The following TNIK variants were observed in gnomAD, a reference collection of about 807,000 sequenced individuals.
The protein encoded by TNIK is TRAF2 and NCK interacting kinase.
A neutral mutation model predicts 191.3 loss-of-function variants in TNIK; 49 were observed. The ratio of observed to expected loss-of-function variants is 0.26; its 90% confidence interval spans 0.20 to 0.32. TNIK has a LOEUF of 0.32. Ranked by LOEUF, TNIK falls within the 10% of genes least tolerant of loss-of-function variation. The pLI is 1.00. For missense variants in TNIK, 1,155 were observed against 1,702.3 expected, an observed-to-expected ratio of 0.68 and a Z score of 5.66; for synonymous variants, 594 against 600.9, an observed-to-expected ratio of 0.99 and a Z score of 0.17.
rs530600257 is a variant in TNIK at position 171,366,387 on chromosome 3, T to C, written c.123+3233A>G. ...ATTGGGAGTAAGACTAGAAGCAACTTTGAAAAACTAAACATTATTAAATGG... is the reference window on the plus strand; with the variant it reads ...ATTGGGAGTAAGACTAGAAGCAACTCTGAAAAACTAAACATTATTAAATGG... On this transcript the variant is annotated intron_variant, in intron 2 of 32. Coordinates refer to ENST00000436636, the MANE Select transcript of TNIK (RefSeq NM_015028.4). The surrounding 1 kb of genome is among the most constrained non-coding windows in gnomAD (Gnocchi z 4.1). 6.6e-5 allele frequency among the ~76,000 whole-genome samples: 10 copies of C among 152,260 alleles called. No homozygotes were observed. The South Asian group carries it at 1.5e-3, about 22-fold the overall frequency.
chr3:171,440,262 C>A (rs1443743145), intron 1 of TNIK, among the ~76,000 whole-genome samples: 3 of 152,122 alleles, frequency 2.0e-5, no homozygotes, highest in African/African-American at 7.2e-5. Flanking sequence ...CCTTCCCTCG[C>A]CATCATAGTA....
chr3:171,421,168 T>C (rs1251971214), intron 1 of TNIK, among the ~76,000 whole-genome samples: 3 of 152,236 alleles, frequency 2.0e-5, no homozygotes, highest in African/African-American at 7.2e-5. Flanking sequence ...ATATTAGTTC[T>C]ACATAAACTA....
At chr3:171,190,839 C>A in intron 5 of TNIK, 52 bp from the exon 6 acceptor site, 2 of 1,374,290 alleles carry the variant, frequency 1.5e-6, no homozygotes, top group South Asian at 1.3e-5. Flanking sequence ...GCCAAGATGC[C>A]AATAAATTAT....
At chr3:171,401,276 G>A (rs750177969) in intron 1 of TNIK, among the ~76,000 whole-genome samples, 2 of 152,078 alleles carry the variant, frequency 1.3e-5, no homozygotes, top group Admixed American at 1.3e-4. Flanking sequence ...AGAATCTCCT[G>A]TGGCAATTTT....
At chr3:171,141,261 C>T (rs13062907) in intron 12 of TNIK, among the ~76,000 whole-genome samples, 11,530 of 152,186 alleles carry the variant, frequency 0.076, 459 homozygotes, top group Middle Eastern at 0.13. Flanking sequence ...GTGGATGTCA[C>T]TATTATCTCC....
intron 9 of TNIK, among the ~76,000 whole-genome samples, chr3:171,170,423 A>G (rs1157473707): frequency 6.6e-6 from 1 of 152,164 alleles, no homozygotes; most frequent in East Asian, 1.9e-4. Flanking sequence ...ATTTGGCCTA[A>G]AATTTGCATT....
At chr3:171,165,113 C>A (rs1362436565) in intron 10 of TNIK, among the ~76,000 whole-genome samples, 1 of 151,706 alleles carries the variant, frequency 6.6e-6, no homozygotes, top group Non-Finnish European at 1.5e-5. Flanking sequence ...CATAGTGAGA[C>A]CTCGTCTCTA....
intron 2 of TNIK, among the ~76,000 whole-genome samples, chr3:171,251,154 C>T (rs796542141): frequency 4.6e-5 from 7 of 152,282 alleles, no homozygotes; most frequent in African/African-American, 1.7e-4. Context: ...AATTAAAGCA[C>T]ATGTTGGAAC....
intron 1 of TNIK, among the ~76,000 whole-genome samples, chr3:171,453,365 C>A (rs1036356693): frequency 2.6e-5 from 4 of 152,032 alleles, no homozygotes; most frequent in Admixed American, 2.0e-4. Flanking sequence ...AGGTGGTCTG[C>A]GAATGTTCAG....
intron 1 of TNIK, among the ~76,000 whole-genome samples, chr3:171,407,418 T>C (rs1721838109): frequency 6.6e-6 from 1 of 152,210 alleles, no homozygotes; most frequent in African/African-American, 2.4e-5. Context: ...GTTGCTTTGG[T>C]CCATTTCTTC....
chr3:171,280,717 G>A (rs1160480289), intron 2 of TNIK, among the ~76,000 whole-genome samples: 1 of 149,974 alleles, frequency 6.7e-6, no homozygotes, highest in African/African-American at 2.5e-5. Context: ...TGAAATAAAA[G>A]CATCCATCAC....
At chr3:171,145,631 C>T (rs1731457362) in intron 12 of TNIK, among the ~76,000 whole-genome samples, 1 of 152,074 alleles carries the variant, frequency 6.6e-6, no homozygotes, top group African/African-American at 2.4e-5. Flanking sequence ...TGCATTTATC[C>T]CAAATTGGCT....
chr3:171,415,973 CA>C (rs769531813), intron 1 of TNIK, among the ~76,000 whole-genome samples: 30 of 12,590 alleles, frequency 2.4e-3, no homozygotes, highest in South Asian at 0.01. Flanking sequence ...GAGACTGTCT[CA>C]AAAAAAAAAA....
At chr3:171,148,136 G>A (rs1226769762) in intron 12 of TNIK, among the ~76,000 whole-genome samples, 1 of 152,168 alleles carries the variant, frequency 6.6e-6, no homozygotes, top group African/African-American at 2.4e-5. Flanking sequence ...CCCTTTGAGA[G>A]CTTTCCTGAA....
chr3:171,456,113 T>C (rs1025287847), intron 1 of TNIK, among the ~76,000 whole-genome samples: 3 of 121,964 alleles, frequency 2.5e-5, no homozygotes, highest in Non-Finnish European at 5.5e-5. Context: ...AATACAAAAG[T>C]GTATGTGAGT....
At chr3:171,289,562 A>G (rs190935272) in intron 2 of TNIK, among the ~76,000 whole-genome samples, 26 of 152,296 alleles carry the variant, frequency 1.7e-4, no homozygotes, top group Admixed American at 1.4e-3. Flanking sequence ...TTCAGAAAAC[A>G]TGTCTTAAAC....
intron 2 of TNIK, among the ~76,000 whole-genome samples, chr3:171,332,678 G>C (rs1385022074): frequency 1.3e-5 from 2 of 152,168 alleles, no homozygotes; most frequent in African/African-American, 2.4e-5. Flanking sequence ...GCTATAACCT[G>C]AAGGCCAGGT....
At chr3:171,202,430 T>TC (rs1213374739) in intron 4 of TNIK, among the ~76,000 whole-genome samples, 1 of 152,180 alleles carries the variant, frequency 6.6e-6, no homozygotes. Context: ...TTAGGACTAA[T>TC]CATCTTGATT....
At chr3:171,068,099 C>G (rs1378489995) in intron 30 of TNIK, among the ~76,000 whole-genome samples, 9 of 152,212 alleles carry the variant, frequency 5.9e-5, no homozygotes, top group African/African-American at 2.2e-4. Context: ...ACACACTTTA[C>G]ACTACACTTA....
Sources: allele counts gnomAD v4.1 joint callset (sites outside exome capture counted in the v4.1 genomes callset), GRCh38; gene constraint gnomAD v4.1.1; non-coding constraint Gnocchi (gnomAD v3.1); transcripts MANE v1.5; gene names NCBI Gene and HGNC (gene_info 2026-07-23, HGNC 2026-07-21).